SULF1: variants seen among roughly 807,000 people sequenced by gnomAD.
SULF1 encodes the protein sulfatase 1, also known as extracellular sulfatase Sulf-1.
Under a neutral mutation model 110.5 loss-of-function variants are expected in SULF1, and 46 were observed. The observed-to-expected ratio is 0.42, with a 90% CI of 0.33 to 0.53. The LOEUF is 0.53. Among genes scored for constraint, SULF1 ranks in the 20% least tolerant of loss-of-function variants. The probability of loss-of-function intolerance (pLI) is 0.12; values close to 1 mark genes in which losing one functional copy is unlikely to be tolerated. For missense variants in SULF1, 941 were observed against 1,094.2 expected, an observed-to-expected ratio of 0.86 and a Z score of 1.98; for synonymous variants, 371 against 387.1, an observed-to-expected ratio of 0.96 and a Z score of 0.49.
At chr8:69,651,059 T>C (rs1812303739) in intron 22 of SULF1, among the ~76,000 whole-genome samples, 1 of 148,322 alleles carries the variant, frequency 6.7e-6, no homozygotes. Flanking sequence ...TTCTTTTCTT[T>C]TTTTTTTTTT....
At chr8:69,628,138 T>C (rs1174942105) in intron 17 of SULF1, 33 bp from the exon 18 acceptor site, 1 of 1,555,166 alleles carries the variant, frequency 6.4e-7, no homozygotes, top group South Asian at 1.1e-5. Flanking sequence ...TGCAAGGCTA[T>C]GAAGTCTCAC....
intron 3 of SULF1, among the ~76,000 whole-genome samples, chr8:69,540,934 C>T (rs1813812915): frequency 6.6e-6 from 1 of 151,764 alleles, no homozygotes; most frequent in South Asian, 2.1e-4. Context: ...TAAACTAACC[C>T]AAATTAACCT....
chr8:69,528,413 A>T (rs1812849625), intron 3 of SULF1, among the ~76,000 whole-genome samples: 1 of 152,194 alleles, frequency 6.6e-6, no homozygotes, highest in Non-Finnish European at 1.5e-5. Context: ...CGTGGATTCC[A>T]ATCTCTCTCA....
intron 15 of SULF1, among the ~76,000 whole-genome samples, chr8:69,626,550 G>C (rs1810052896): frequency 6.6e-6 from 1 of 152,230 alleles, no homozygotes; most frequent in Non-Finnish European, 1.5e-5. Flanking sequence ...GCTCGTCGGG[G>C]AGGCTCGGGC....
chr8:69,547,448 ATG>A (rs936545287), intron 3 of SULF1, among the ~76,000 whole-genome samples: 2 of 152,224 alleles, frequency 1.3e-5, no homozygotes, highest in African/African-American at 4.8e-5. Context: ...ATAACTAAAT[ATG>A]TGTTAGAGGA....
chr8:69,502,783 G>A (rs1266779984), intron 3 of SULF1, among the ~76,000 whole-genome samples: 1 of 150,426 alleles, frequency 6.6e-6, no homozygotes, highest in Non-Finnish European at 1.5e-5. Context: ...CGCCTCCTGG[G>A]TTCAAGCAAT....
intron 3 of SULF1, among the ~76,000 whole-genome samples, chr8:69,507,181 T>C (rs1811256736): frequency 6.6e-6 from 1 of 152,226 alleles, no homozygotes; most frequent in Non-Finnish European, 1.5e-5. Context: ...AATATAGTGG[T>C]TCAATCTGGT....
chr8:69,618,172 T>C (rs1809323879), intron 13 of SULF1, among the ~76,000 whole-genome samples: 1 of 152,226 alleles, frequency 6.6e-6, no homozygotes, highest in African/African-American at 2.4e-5. Context: ...GACTTCACAG[T>C]TTTTAAGTTA....
intron 22 of SULF1, among the ~76,000 whole-genome samples, chr8:69,653,338 G>A (rs901172243): frequency 6.6e-6 from 1 of 152,178 alleles, no homozygotes; most frequent in African/African-American, 2.4e-5. Context: ...CCAGAGTGCT[G>A]GGATTACAGG....
chr8:69,587,427 A>G lies in SULF1; in HGVS notation c.564+919A>G, dbSNP rs919886514. Among the ~76,000 whole-genome samples the G allele has an allele frequency of 2.0e-5, 3 of 152,182 alleles. No individual in the cohort carries two copies. The South Asian group carries it at 6.2e-4, about 31-fold the overall frequency. On this transcript the variant is annotated intron_variant, in intron 7 of 22. Transcript: ENST00000402687. Reference sequence around the variant, plus strand: ...GCTTGGCCTGATTTGAGCACAAGGGACTTGATGGGAGATAAGATTAAGTCC... The same window carrying G: ...GCTTGGCCTGATTTGAGCACAAGGGGCTTGATGGGAGATAAGATTAAGTCC...
intron 3 of SULF1, among the ~76,000 whole-genome samples, chr8:69,549,941 C>T (rs151307973): frequency 7.7e-4 from 117 of 152,046 alleles, no homozygotes; most frequent in African/African-American, 2.8e-3. Flanking sequence ...TCTGAGGGTT[C>T]CCCTTCTGTT....
intron 19 of SULF1, among the ~76,000 whole-genome samples, chr8:69,637,012 C>T (rs970906393): frequency 2.0e-5 from 3 of 152,118 alleles, no homozygotes; most frequent in Non-Finnish European, 4.4e-5. Flanking sequence ...CTGTTCATCG[C>T]ACGTCACAAT....
intron 3 of SULF1, among the ~76,000 whole-genome samples, chr8:69,561,404 A>T (rs1215160115): frequency 6.6e-6 from 1 of 152,292 alleles, no homozygotes; most frequent in East Asian, 1.9e-4. Context: ...TTAGGAAATG[A>T]TTTTTGATGT....
At chr8:69,526,841 G>GGAAGGAAT (rs1812724572) in intron 3 of SULF1, among the ~76,000 whole-genome samples, 1 of 142,518 alleles carries the variant, frequency 7.0e-6, no homozygotes, top group Non-Finnish European at 1.5e-5. Context: ...AAGGAAGGAA[G>GGAAGGAAT]GGAGGAAGGA....
intron 22 of SULF1, among the ~76,000 whole-genome samples, chr8:69,653,588 G>GT (rs1325199170): frequency 6.6e-6 from 1 of 152,184 alleles, no homozygotes; most frequent in Non-Finnish European, 1.5e-5. Flanking sequence ...CCCTGTTATC[G>GT]TTTAAGATTT....
chr8:69,634,585 A>T (rs1192345438), intron 19 of SULF1, among the ~76,000 whole-genome samples: 1 of 152,216 alleles, frequency 6.6e-6, no homozygotes, highest in Non-Finnish European at 1.5e-5. Flanking sequence ...CCTGGGCAAC[A>T]TGGTGAAACC....
intron 1 of SULF1, among the ~76,000 whole-genome samples, chr8:69,468,033 A>G (rs1490628449): frequency 1.3e-5 from 2 of 152,242 alleles, no homozygotes; most frequent in Non-Finnish European, 2.9e-5. Context: ...CACAGGGATC[A>G]AAACATAAAA....
At chr8:69,495,275 C>G (rs1810262501) in intron 1 of SULF1, among the ~76,000 whole-genome samples, 1 of 151,994 alleles carries the variant, frequency 6.6e-6, no homozygotes, top group Non-Finnish European at 1.5e-5. Flanking sequence ...CCCAGCTACT[C>G]AGGAGGCTGA....
rs1165198114 is a variant in SULF1 at position 69,479,340 on chromosome 8, TCCACTATCTGC to T, written c.-391+12392_-391+12402del. On this transcript the variant is annotated intron_variant, in intron 1 of 22. Coordinates refer to the SULF1 transcript ENST00000260128. ...GGATAGTGCTAGATATATAGGCCTG[TCCACTATCTGC>T]CGCATAGCATAAATTAAAACACCCT... Among the ~76,000 whole-genome samples, 8 of 152,334 alleles carry T rather than the reference TCCACTATCTGC, an allele frequency of 5.3e-5. No homozygotes were observed. The South Asian group carries it at 1.7e-3, about 32-fold the overall frequency.
Sources: allele counts gnomAD v4.1 joint callset (sites outside exome capture counted in the v4.1 genomes callset), GRCh38; gene constraint gnomAD v4.1.1; transcripts MANE v1.5; gene names NCBI Gene and HGNC (gene_info 2026-07-23, HGNC 2026-07-21).